The following COPG2 variants were observed in gnomAD, a reference collection of about 807,000 sequenced individuals.
COPG2 encodes coat protein complex I subunit gamma 2.
A neutral mutation model predicts 46.3 loss-of-function variants in COPG2; 37 were observed. The ratio of observed to expected loss-of-function variants is 0.80; its 90% CI spans 0.61 to 1.05. COPG2 has a LOEUF of 1.05. Ranked by LOEUF, COPG2 falls within the 50% of genes least tolerant of loss-of-function variation. The probability of loss-of-function intolerance (pLI) is 0.00; values close to 1 mark genes in which losing one functional copy is unlikely to be tolerated. For missense variants in COPG2, 427 were observed against 387.8 expected (o/e 1.10, Z -0.85); for synonymous variants, 159 against 129.7 (o/e 1.23, Z -1.53).
intron 9 of COPG2, among the ~76,000 whole-genome samples, chr7:130,585,211 T>C (rs1794241439): frequency 6.6e-6 from 1 of 151,946 alleles, no homozygotes; most frequent in Non-Finnish European, 1.5e-5. Context: ...AACTATAAAG[T>C]TGAGAAAGGA....
intron 5 of COPG2, among the ~76,000 whole-genome samples, chr7:130,630,377 A>C (rs1222485687): frequency 6.6e-6 from 1 of 152,218 alleles, no homozygotes; most frequent in Non-Finnish European, 1.5e-5. Flanking sequence ...TATACAACAT[A>C]ATTGATTTTT....
At chr7:130,587,071 C>T (rs797029395) in intron 9 of COPG2, among the ~76,000 whole-genome samples, 4 of 151,798 alleles carry the variant, frequency 2.6e-5, no homozygotes, top group Non-Finnish European at 4.4e-5. Context: ...CTTTAGGAGG[C>T]GGAGGCAGGC....
chr7:130,538,245 G>A (rs1799903213), intron 20 of COPG2, among the ~76,000 whole-genome samples: 3 of 152,136 alleles, frequency 2.0e-5, no homozygotes, highest in Non-Finnish European at 4.4e-5. Context: ...AATTAAATGT[G>A]AACCTTGTGT....
chr7:130,654,065 G>A (rs1328269939), intron 4 of COPG2, among the ~76,000 whole-genome samples: 2 of 152,054 alleles, frequency 1.3e-5, no homozygotes, highest in Admixed American at 6.6e-5. Context: ...TTAGTCATCA[G>A]GGAAATGAAA....
chr7:130,599,603 C>T (rs1479107566), intron 9 of COPG2, among the ~76,000 whole-genome samples: 1 of 151,738 alleles, frequency 6.6e-6, no homozygotes, highest in African/African-American at 2.4e-5. Flanking sequence ...TGAGTTTGTA[C>T]ATTTCTCTTT....
intron 11 of COPG2, among the ~76,000 whole-genome samples, 176 bp downstream of exon 11, chr7:130,563,093 C>T (rs1793742711): frequency 6.6e-6 from 1 of 152,172 alleles, no homozygotes; most frequent in African/African-American, 2.4e-5. Context: ...TTATAATCTT[C>T]AGCTAAATAA....
At chr7:130,567,648 G>T (rs1793826115) in intron 9 of COPG2, among the ~76,000 whole-genome samples, 1 of 152,080 alleles carries the variant, frequency 6.6e-6, no homozygotes, top group Non-Finnish European at 1.5e-5. Context: ...AGGGACTGGG[G>T]TCCTATCGAT....
intron 5 of COPG2, among the ~76,000 whole-genome samples, chr7:130,628,557 A>C (rs1191003851): frequency 6.6e-6 from 1 of 152,210 alleles, no homozygotes; most frequent in Non-Finnish European, 1.5e-5. Flanking sequence ...TGTTTTAGAC[A>C]TACAGCTATT....
At chr7:130,565,222 G>T (rs1404477431) in intron 9 of COPG2, among the ~76,000 whole-genome samples, 8 of 152,206 alleles carry the variant, frequency 5.3e-5, no homozygotes, top group African/African-American at 1.9e-4. Context: ...GCAGAGCTGT[G>T]AACTCCCGGG....
chr7:130,618,061 A>G (rs1299010255), intron 5 of COPG2, among the ~76,000 whole-genome samples: 1 of 134,298 alleles, frequency 7.4e-6, no homozygotes. Context: ...AGATGGCACC[A>G]CTGTACTCCA....
intron 5 of COPG2, among the ~76,000 whole-genome samples, chr7:130,623,309 G>T (rs1795067444): frequency 6.6e-6 from 1 of 152,090 alleles, no homozygotes; most frequent in Admixed American, 6.6e-5. Flanking sequence ...TCTATTCCAT[G>T]GGTCTAATTC....
intron 9 of COPG2, among the ~76,000 whole-genome samples, chr7:130,589,067 G>C (rs1473205252): frequency 6.6e-6 from 1 of 151,274 alleles, no homozygotes; most frequent in Non-Finnish European, 1.5e-5. Context: ...ATTAATTCCT[G>C]ATTAAACATT....
chr7:130,513,609 A>T (rs940605223), intron 20 of COPG2, among the ~76,000 whole-genome samples: 2 of 151,942 alleles, frequency 1.3e-5, no homozygotes, highest in African/African-American at 2.4e-5. Flanking sequence ...CTTTGCTTGA[A>T]TGATGTTTGA....
intron 20 of COPG2, among the ~76,000 whole-genome samples, chr7:130,523,958 C>CG (rs1464809906): frequency 0.011 from 1,676 of 149,122 alleles, 33 homozygotes; most frequent in African/African-American, 0.04. Flanking sequence ...TTTGTGCTGG[C>CG]GGGGCAGGGG....
At chr7:130,596,580 C>CA (rs1451053151) in intron 9 of COPG2, among the ~76,000 whole-genome samples, 7 of 152,184 alleles carry the variant, frequency 4.6e-5, no homozygotes, top group African/African-American at 1.4e-4. Flanking sequence ...GCTCCAGGGA[C>CA]ACCTGGACAC....
At chr7:130,592,453 A>G (rs563870156) in intron 9 of COPG2, among the ~76,000 whole-genome samples, 1 of 152,176 alleles carries the variant, frequency 6.6e-6, no homozygotes, top group Admixed American at 6.5e-5. Context: ...AGAAAATAAT[A>G]TGAACAGATT....
At chr7:130,629,985 T>C (rs1795198011) in intron 5 of COPG2, among the ~76,000 whole-genome samples, 1 of 151,560 alleles carries the variant, frequency 6.6e-6, no homozygotes, top group Admixed American at 6.6e-5. Context: ...TGGCGCAATC[T>C]CGGCTCACTG....
chr7:130,623,378 G>A lies in COPG2; in HGVS notation c.324-6313C>T, dbSNP rs375656362. Among the ~76,000 whole-genome samples the A allele has an allele frequency of 1.1e-4, 16 of 152,252 alleles. No homozygotes were observed. In the South Asian group the frequency reaches 3.3e-3, roughly 32 times the overall value. ...AAACATAGATCAGTCTGACCAAGGTGACCACATTATAGAGTCACCACACAA... is the reference window on the plus strand; with the variant it reads ...AAACATAGATCAGTCTGACCAAGGTAACCACATTATAGAGTCACCACACAA... On this transcript the variant is annotated intron_variant, in intron 5 of 23. Transcript: ENST00000425248.
At chr7:130,650,562 T>C (rs182839979) in intron 5 of COPG2, among the ~76,000 whole-genome samples, 66 of 152,378 alleles carry the variant, frequency 4.3e-4, no homozygotes, top group South Asian at 2.1e-3. Context: ...TTTGTTTTTT[T>C]ACTTGTGGTA....
Sources: allele counts gnomAD v4.1 joint callset (sites outside exome capture counted in the v4.1 genomes callset), GRCh38; gene constraint gnomAD v4.1.1; transcripts MANE v1.5; gene names NCBI Gene and HGNC (gene_info 2026-07-23, HGNC 2026-07-21).